KIF17: variants seen among roughly 807,000 people sequenced by gnomAD.
KIF17 encodes kinesin-like protein KIF17.
A neutral mutation model predicts 96.8 loss-of-function variants in KIF17; 80 were observed. The observed-to-expected ratio is 0.83, with a 90% confidence interval of 0.69 to 1.00. The LOEUF (loss-of-function observed/expected upper bound fraction) is 1.00. Ranked by LOEUF, KIF17 falls within the 50% of genes least tolerant of loss-of-function variation. KIF17 has a pLI of 0.00. For missense variants in KIF17, 1,280 were observed against 1,372.9 expected, an observed-to-expected ratio of 0.93 and a Z score of 1.07; for synonymous variants, 567 against 587.5, an observed-to-expected ratio of 0.97 and a Z score of 0.51.
At chr1:20,717,325 C>T (rs550843363) in intron 1 of KIF17, 151 bp downstream of exon 1, 1 of 803,018 alleles carries the variant, frequency 1.2e-6, no homozygotes, top group Admixed American at 2.7e-5. Flanking sequence ...TGTGTCCCGC[C>T]TGGACAAAAG....
chr1:20,665,487 C>T (rs1470092840), intron 14 of KIF17, among the ~76,000 whole-genome samples: 1 of 150,930 alleles, frequency 6.6e-6, no homozygotes, highest in African/African-American at 2.4e-5. Context: ...GCAGCCTCCA[C>T]CTCCCAAGCT....
intron 3 of KIF17, among the ~76,000 whole-genome samples, chr1:20,711,405 G>T (rs765537301): frequency 6.6e-6 from 1 of 152,160 alleles, no homozygotes. Context: ...CTGGGGAGGC[G>T]CTGAGTGACA....
intron 11 of KIF17, among the ~76,000 whole-genome samples, chr1:20,675,364 C>T (rs945564200): frequency 2.0e-5 from 3 of 151,342 alleles, no homozygotes; most frequent in Admixed American, 6.6e-5. Flanking sequence ...AGGAGAATGG[C>T]GTGAACCCCG....
Position 20,699,867 on chromosome 1 carries a change from G to A in KIF17, c.1124-1379C>T, listed in dbSNP as rs890271591. On this transcript the variant is annotated intron_variant, in intron 5 of 14. Coordinates refer to ENST00000400463, the MANE Select transcript of KIF17 (RefSeq NM_001122819.3). This position sits in a 1 kb window ranked among gnomAD's most constrained non-coding sequence, Gnocchi z 4.3. ...GTGACAGCTGTGGAGGGCCGGGTGA[G>A]GGCTTTGGCTGTGACTCTGGGTTGA... is the stretch of plus-strand genomic sequence containing the variant. 6.6e-6 allele frequency among the ~76,000 whole-genome samples: 1 copy of A among 152,148 alleles called. No homozygotes were observed. Among genetic ancestry groups the A allele is most frequent in the African/African-American group, 2.4e-5 (1 of 41,436 alleles).
chr1:20,701,084 T>C (rs997148316), intron 5 of KIF17, among the ~76,000 whole-genome samples: 23 of 152,244 alleles, frequency 1.5e-4, no homozygotes, highest in African/African-American at 5.5e-4. Context: ...TGAGTCACGA[T>C]GGGCTTTCCT....
At chr1:20,716,452 G>C (rs1196814245) in intron 1 of KIF17, among the ~76,000 whole-genome samples, 1 of 152,228 alleles carries the variant, frequency 6.6e-6, no homozygotes, top group African/African-American at 2.4e-5. Flanking sequence ...ACAGCGACAA[G>C]AGTCCAGGCA....
At chr1:20,705,814 T>C (rs2054330448) in intron 4 of KIF17, among the ~76,000 whole-genome samples, 1 of 151,676 alleles carries the variant, frequency 6.6e-6, no homozygotes, top group South Asian at 2.1e-4. Flanking sequence ...TCACCACCTG[T>C]ATATAAACTG....
Position 20,678,694 on chromosome 1 carries a change from C to T in KIF17, c.2463+3959G>A, listed in dbSNP as rs904538451. On this transcript the variant is annotated intron_variant, in intron 11 of 14. Coordinates refer to ENST00000400463, the MANE Select transcript of KIF17 (RefSeq NM_001122819.3). ...AGAGAGCATCCAGGACAGCATGGGG[C>T]GAGGAGGAATGAGGTGATGGAAGGC... Among the ~76,000 whole-genome samples, 4 of 152,078 alleles carry T rather than the reference C, an allele frequency of 2.6e-5. No homozygotes were observed. The South Asian group carries it at 6.2e-4, about 24-fold the overall frequency.
chr1:20,703,558 G>A (rs1388335439), intron 5 of KIF17, among the ~76,000 whole-genome samples: 1 of 151,790 alleles, frequency 6.6e-6, no homozygotes, highest in East Asian at 1.9e-4. Context: ...GTGGGTGGAT[G>A]GATGGATGAG....
At chr1:20,678,792 G>A (rs2053780166) in intron 11 of KIF17, among the ~76,000 whole-genome samples, 1 of 152,048 alleles carries the variant, frequency 6.6e-6, no homozygotes, top group African/African-American at 2.4e-5. Context: ...AGAAACTGAT[G>A]GAAGAGACCA....
At chr1:20,696,648 C>T (rs2054145504) in intron 6 of KIF17, among the ~76,000 whole-genome samples, 1 of 152,002 alleles carries the variant, frequency 6.6e-6, no homozygotes, top group Non-Finnish European at 1.5e-5. Flanking sequence ...CCGCCGGCCC[C>T]ACCGGGCTTC....
intron 1 of KIF17, 58 bp from the exon 2 acceptor site, chr1:20,715,697 G>A: frequency 6.2e-7 from 1 of 1,604,846 alleles, no homozygotes; most frequent in Non-Finnish European, 8.5e-7. Context: ...CAGGGCTCGG[G>A]ACAGGGCTCC....
intron 2 of KIF17, among the ~76,000 whole-genome samples, chr1:20,713,913 G>C (rs1007783353): frequency 3.9e-5 from 6 of 152,062 alleles, no homozygotes; most frequent in African/African-American, 1.4e-4. Context: ...AACAGGGCGG[G>C]GCGCTGCTCA....
At chr1:20,708,104 G>C (rs535974745) in intron 4 of KIF17, among the ~76,000 whole-genome samples, 1 of 151,896 alleles carries the variant, frequency 6.6e-6, no homozygotes, top group South Asian at 2.1e-4. Context: ...CCCTAAACCC[G>C]CTCCCTCCTC....
At chr1:20,691,142 C>T (rs1336517617) in intron 6 of KIF17, among the ~76,000 whole-genome samples, 2 of 151,414 alleles carry the variant, frequency 1.3e-5, no homozygotes, top group Non-Finnish European at 2.9e-5. Flanking sequence ...ACTAAAAATG[C>T]AAAAATTAGC....
At chr1:20,661,809 G>C (rs1339037443), downstream of KIF17, among the ~76,000 whole-genome samples, 1 of 152,224 alleles carries the variant, frequency 6.6e-6, no homozygotes, top group East Asian at 1.9e-4. Context: ...GGGAAGGCTC[G>C]GGACCAGGAA....
intron 5 of KIF17, among the ~76,000 whole-genome samples, chr1:20,702,684 A>G (rs1202573816): frequency 5.9e-5 from 9 of 152,014 alleles, no homozygotes; most frequent in Admixed American, 5.9e-4. Context: ...CACACTGGAC[A>G]CTCTCATCCT....
chr1:20,690,978 C>T (rs1252883730), intron 6 of KIF17, among the ~76,000 whole-genome samples: 4 of 152,004 alleles, frequency 2.6e-5, no homozygotes, highest in Admixed American at 6.5e-5. Flanking sequence ...TGAGACACCA[C>T]GCCCGGCCAC....
rs563689480 is a variant in KIF17, at chr1:20,664,328, C to T, written c.*256G>A. The T allele has an allele frequency of 3.2e-5, 45 of 1,393,656 alleles. No homozygotes were observed. In the African/African-American group the frequency reaches 4.3e-4, roughly 13 times the overall value. 86.3% of individuals were successfully genotyped at this position (1,393,656 alleles called of 1,614,324 possible). The stretch of plus-strand genomic sequence containing the variant: ...GTGGGCTCTGTGGCAGGTGAGCAGA[C>T]GGAAACACTGATGTGGTATGAACAG... On this transcript the variant is annotated 3_prime_UTR_variant, in exon 15 of 15. Transcript: ENST00000400463.
Sources: allele counts gnomAD v4.1 joint callset (sites outside exome capture counted in the v4.1 genomes callset), GRCh38; gene constraint gnomAD v4.1.1; non-coding constraint Gnocchi (gnomAD v3.1); transcripts MANE v1.5; gene names NCBI Gene and HGNC (gene_info 2026-07-23, HGNC 2026-07-21).